Variants in GRIK1 observed in about 807,000 individuals in gnomAD.
The protein encoded by GRIK1 is glutamate receptor ionotropic, kainate 1.
GRIK1 carries 69 observed loss-of-function variants against 105.7 expected under a neutral mutation model. The observed-to-expected ratio is 0.65, with a 90% CI of 0.54 to 0.80. The LOEUF is 0.80. Among genes scored for constraint, GRIK1 ranks in the 30% least tolerant of loss-of-function variants. GRIK1 has a pLI of 0.00. For synonymous variants in GRIK1, 438 were observed against 431.3 expected (o/e 1.02, Z -0.19); for missense variants, 1,109 against 1,167.3 (o/e 0.95, Z 0.73).
Position 29,659,776 on chromosome 21 carries a change from C to T in GRIK1, c.727-4913G>A, listed in dbSNP as rs548214362. Among the ~76,000 whole-genome samples the T allele has an allele frequency of 3.3e-4, 50 of 152,202 alleles. No homozygotes were observed. In the South Asian group the frequency reaches 9.6e-3, roughly 29 times the overall value. ...GGGAGTTCAAGATCAGCCTGACCAA[C>T]AAGGAGAAACCCCGTCTCTACTAAA... On this transcript the variant is annotated intron_variant, in intron 4 of 17. Transcript: ENST00000327783.
intron 1 of GRIK1, among the ~76,000 whole-genome samples, chr21:29,895,057 T>C (rs2070079460): frequency 6.6e-6 from 1 of 152,182 alleles, no homozygotes; most frequent in Non-Finnish European, 1.5e-5. Context: ...ACGGATCTAA[T>C]AGTGGTGGTG....
At chr21:29,839,294 C>T (rs1178057769) in intron 1 of GRIK1, among the ~76,000 whole-genome samples, 4 of 152,158 alleles carry the variant, frequency 2.6e-5, no homozygotes, top group Non-Finnish European at 5.9e-5. Flanking sequence ...AAGTGATCCA[C>T]CCTCCTTGGC....
At chr21:29,851,902 G>A (rs1231472048) in intron 1 of GRIK1, among the ~76,000 whole-genome samples, 1 of 152,126 alleles carries the variant, frequency 6.6e-6, no homozygotes, top group African/African-American at 2.4e-5. Context: ...CCCCAAATCT[G>A]CACTGACTCC....
intron 1 of GRIK1, among the ~76,000 whole-genome samples, chr21:29,810,296 T>TAA (rs11317254): frequency 6.8e-6 from 1 of 147,174 alleles, no homozygotes; most frequent in South Asian, 2.2e-4. Flanking sequence ...GACTCTGTCT[T>TAA]AAAAAAAAAA....
chr21:29,732,634 C>T (rs559670215), intron 1 of GRIK1, among the ~76,000 whole-genome samples: 2 of 152,076 alleles, frequency 1.3e-5, no homozygotes, highest in African/African-American at 2.4e-5. Flanking sequence ...CTTTACCCCA[C>T]GGATATCAAT....
chr21:29,733,545 A>G (rs1285412519), intron 1 of GRIK1, among the ~76,000 whole-genome samples: 2 of 152,064 alleles, frequency 1.3e-5, no homozygotes, highest in Non-Finnish European at 2.9e-5. Flanking sequence ...TTTGTGGGCT[A>G]CTTTAAAACT....
At chr21:29,845,693 T>G (rs1246308137) in intron 1 of GRIK1, among the ~76,000 whole-genome samples, 3 of 152,244 alleles carry the variant, frequency 2.0e-5, no homozygotes. Context: ...TGTTCTCATT[T>G]GCTCTTTGTT....
At chr21:29,650,715 C>T (rs2062715545) in intron 6 of GRIK1, among the ~76,000 whole-genome samples, 1 of 152,216 alleles carries the variant, frequency 6.6e-6, no homozygotes, top group Non-Finnish European at 1.5e-5. Context: ...TCCACACTGG[C>T]TTTGCTTGCT....
intron 1 of GRIK1, among the ~76,000 whole-genome samples, chr21:29,835,099 A>G (rs988696261): frequency 6.6e-6 from 1 of 152,100 alleles, no homozygotes; most frequent in Non-Finnish European, 1.5e-5. Flanking sequence ...CTTCTTCTGG[A>G]CCGCACTTAA....
chr21:29,867,861 AG>A (rs879821641), intron 1 of GRIK1, among the ~76,000 whole-genome samples: 3,322 of 79,568 alleles, frequency 0.042, 68 homozygotes, highest in East Asian at 0.076. Context: ...AGAGAGAAAG[AG>A]AGAGAAAGAG....
intron 1 of GRIK1, among the ~76,000 whole-genome samples, chr21:29,872,342 C>T (rs1298790144): frequency 2.0e-5 from 3 of 152,046 alleles, no homozygotes; most frequent in East Asian, 3.9e-4. Context: ...TACAGGAGCC[C>T]GCCATGACGC....
intron 1 of GRIK1, among the ~76,000 whole-genome samples, chr21:29,738,173 A>C (rs938467335): frequency 3.3e-5 from 5 of 152,248 alleles, no homozygotes; most frequent in Non-Finnish European, 7.3e-5. Context: ...GACTTCAGTG[A>C]GGTTTCCCAC....
At chr21:29,913,137 T>G (rs1044110366) in intron 1 of GRIK1, among the ~76,000 whole-genome samples, 1 of 151,970 alleles carries the variant, frequency 6.6e-6, no homozygotes, top group Non-Finnish European at 1.5e-5. Context: ...AGCACCTGTG[T>G]TGCCCTGGCA....
intron 1 of GRIK1, chr21:29,760,398 A>G (rs1449397402): frequency 1.3e-5 from 2 of 152,256 alleles, no homozygotes; most frequent in Non-Finnish European, 2.9e-5. Flanking sequence ...ATGTGCCTCA[A>G]CATATAAGCC....
At chr21:29,914,671 G>T (rs1362934965) in intron 1 of GRIK1, among the ~76,000 whole-genome samples, 2 of 152,060 alleles carry the variant, frequency 1.3e-5, no homozygotes, top group Non-Finnish European at 2.9e-5. Context: ...CATACAACTT[G>T]TTTTGTCCAA....
intron 1 of GRIK1, among the ~76,000 whole-genome samples, chr21:29,888,201 C>CTTTCTTTCTTTCTTTCTTCCTT (rs1569191676): frequency 1.7e-5 from 1 of 57,344 alleles, no homozygotes; most frequent in African/African-American, 6.0e-5. Flanking sequence ...TTCTTTCTCT[C>CTTTCTTTCTTTCTTTCTTCCTT]TCTCTCTCTC....
chr21:29,923,231 A>T (rs461054), intron 1 of GRIK1, among the ~76,000 whole-genome samples: 38,931 of 152,088 alleles, frequency 0.26, 6,320 homozygotes, highest in African/African-American at 0.46. Flanking sequence ...TTCTTTTTTC[A>T]CTTCTGCATA....
intron 1 of GRIK1, chr21:29,760,165 T>C (rs868406215): frequency 1.3e-5 from 2 of 152,250 alleles, no homozygotes; most frequent in Admixed American, 6.5e-5. Context: ...TCCTAACATG[T>C]TGACTGCCTA....
At chr21:29,614,671 C>T (rs1340564505) in intron 7 of GRIK1, among the ~76,000 whole-genome samples, 1 of 151,300 alleles carries the variant, frequency 6.6e-6, no homozygotes, top group Non-Finnish European at 1.5e-5. Context: ...CCTCGGCCTC[C>T]CAAAGTGTTG....
Sources: gnomAD v4.1 joint callset for allele counts (sites outside exome capture counted in the v4.1 genomes callset) on GRCh38, gnomAD v4.1.1 for gene constraint, MANE v1.5 for transcripts, NCBI Gene and HGNC (gene_info 2026-07-23, HGNC 2026-07-21) for gene names.